The following ECT2 variants were observed in gnomAD, a reference collection of about 807,000 sequenced individuals.
ECT2 encodes epithelial cell transforming 2.
ECT2 carries 61 observed loss-of-function variants against 116.9 expected under a neutral mutation model. The ratio of observed to expected loss-of-function variants is 0.52; its 90% CI spans 0.42 to 0.65. The LOEUF (loss-of-function observed/expected upper bound fraction) is 0.65, where lower values mean the gene tolerates loss of function less well. ECT2 is among the 30% of genes least tolerant of loss of function. The pLI is 0.00. For missense variants in ECT2, 937 were observed against 1,078.7 expected (o/e 0.87, Z 1.84); for synonymous variants, 358 against 346.4 (o/e 1.03, Z -0.37).
intron 24 of ECT2, chr3:172,818,756 T>A: frequency 7.8e-7 from 1 of 1,285,700 alleles, no homozygotes; most frequent in Non-Finnish European, 1.0e-6. Flanking sequence ...TCTTTGACAT[T>A]TGTGAAGAAT....
Position 172,805,877 on chromosome 3 carries a change from G to T in ECT2, c.2245+8G>T. 1 of 1,609,942 alleles carries T rather than the reference G, an allele frequency of 6.2e-7. No individual in the cohort carries two copies. Among genetic ancestry groups the T allele is most frequent in the Non-Finnish European group, 8.5e-7 (1 of 1,178,076 alleles). Reference sequence around the variant, plus strand: ...ACATAAGAGAGACAGAAGGTATGCCGGTCGGATACATTCTTGGTTATATAA... The same window carrying T: ...ACATAAGAGAGACAGAAGGTATGCCTGTCGGATACATTCTTGGTTATATAA... On this transcript the variant is annotated splice_region_variant and intron_variant, in intron 21 of 24. Coordinates refer to ENST00000392692, the MANE Select transcript of ECT2 (RefSeq NM_001258315.2).
At chr3:172,768,353 T>G (rs961593991) in intron 12 of ECT2, among the ~76,000 whole-genome samples, 11 of 152,220 alleles carry the variant, frequency 7.2e-5, no homozygotes, top group Admixed American at 6.5e-4. Context: ...CTGCCATGTT[T>G]GCTTTAGCAT....
At chr3:172,823,181 A>T (rs190994855), downstream of ECT2, among the ~76,000 whole-genome samples, 149 of 152,256 alleles carry the variant, frequency 9.8e-4, 1 homozygote, top group Middle Eastern at 3.4e-3. Context: ...CTGAAAGCTT[A>T]GTGGATTTTT....
At chr3:172,789,106 A>G (rs967847197) in intron 18 of ECT2, among the ~76,000 whole-genome samples, 12 of 150,088 alleles carry the variant, frequency 8.0e-5, no homozygotes, top group African/African-American at 2.7e-4. Context: ...TCAGTAAGTT[A>G]TAGTCTTTTT....
intron 23 of ECT2, among the ~76,000 whole-genome samples, chr3:172,816,016 G>A (rs965634549): frequency 2.6e-5 from 4 of 152,114 alleles, no homozygotes; most frequent in Admixed American, 2.6e-4. Context: ...TATCGCCACA[G>A]TTATTTTCAG....
At chr3:172,811,097 C>T (rs1386435862) in intron 22 of ECT2, among the ~76,000 whole-genome samples, 1 of 152,088 alleles carries the variant, frequency 6.6e-6, no homozygotes, top group Non-Finnish European at 1.5e-5. Flanking sequence ...TTTGGCTAAT[C>T]TATCAATTTT....
At chr3:172,803,114 G>T in intron 20 of ECT2, 134 bp downstream of exon 20, 1 of 840,830 alleles carries the variant, frequency 1.2e-6, no homozygotes, top group Non-Finnish European at 1.7e-6. Flanking sequence ...TAAAAAAATC[G>T]AGGACAATTT....
At chr3:172,819,546 A>T (rs1044085758) in intron 24 of ECT2, among the ~76,000 whole-genome samples, 2 of 152,046 alleles carry the variant, frequency 1.3e-5, no homozygotes, top group African/African-American at 4.8e-5. Flanking sequence ...GGGTCTTGCT[A>T]AGTTGCCCAG....
At chr3:172,765,189 G>A (rs775685236) in intron 12 of ECT2, among the ~76,000 whole-genome samples, 10 of 152,002 alleles carry the variant, frequency 6.6e-5, no homozygotes, top group Non-Finnish European at 1.5e-4. Context: ...TCCTTGTTGG[G>A]GAGACAGTTT....
intron 12 of ECT2, among the ~76,000 whole-genome samples, chr3:172,768,145 C>T (rs1331233962): frequency 1.1e-4 from 16 of 152,060 alleles, no homozygotes; most frequent in Admixed American, 9.2e-4. Flanking sequence ...AAAGAATTTT[C>T]AGTTAATATT....
chr3:172,802,737 G>A (rs771347134), intron 19 of ECT2, 43 bp downstream of exon 19: 2 of 1,521,524 alleles, frequency 1.3e-6, no homozygotes, highest in Non-Finnish European at 1.8e-6. Flanking sequence ...TTTTCTTCTT[G>A]TTAATGAGGT....
intron 18 of ECT2, among the ~76,000 whole-genome samples, chr3:172,797,682 C>T (rs906532923): frequency 6.6e-6 from 1 of 152,120 alleles, no homozygotes; most frequent in Non-Finnish European, 1.5e-5. Flanking sequence ...AAGGAACAAT[C>T]GTACTGCAGA....
chr3:172,769,202 C>G (rs902479529), intron 13 of ECT2, 59 bp downstream of exon 13: 1 of 1,460,756 alleles, frequency 6.8e-7, no homozygotes. Flanking sequence ...GTAAAAAAAT[C>G]TAGGTGATAT....
At chr3:172,789,202 C>T (rs1724168232) in intron 18 of ECT2, among the ~76,000 whole-genome samples, 1 of 147,410 alleles carries the variant, frequency 6.8e-6, no homozygotes, top group South Asian at 2.1e-4. Flanking sequence ...GTAATTGCTT[C>T]TCTCTCTCTC....
chr3:172,782,111 TATAAGG>T, intron 14 of ECT2, 46 bp from the exon 15 acceptor site: 1 of 1,090,516 alleles, frequency 9.2e-7, no homozygotes, highest in Non-Finnish European at 1.3e-6. Flanking sequence ...ATAAAAGTTG[TATAAGG>T]AGCTGTCAGG....
rs757464407 is a variant in ECT2 at position 172,783,824 on chromosome 3, C to T, written c.1643C>T (p.Pro548Leu). 1 of 1,603,802 alleles carries T rather than the reference C, an allele frequency of 6.2e-7. No individual in the cohort carries two copies. Among genetic ancestry groups the T allele is most frequent in the Non-Finnish European group, 8.5e-7 (1 of 1,175,438 alleles). Residue 548 changes from proline to leucine, a missense_variant, in exon 16 of 25, where the codon CCT (proline) becomes CTT (leucine). Physicochemically the swap from Pro to Leu is moderately conservative, Grantham distance 98. Coordinates refer to ENST00000392692, the MANE Select transcript of ECT2 (RefSeq NM_001258315.2). ...KYSKDLVKTY[P>L]PFVNFFEMSK... ...TCAAAAGATTTGGTAAAAACCTACC[C>T]TCCCTTTGTAAACTTCTTTGAAATG... is the stretch of plus-strand genomic sequence containing the variant.
At chr3:172,757,377 A>G (rs1427859527) in intron 5 of ECT2, among the ~76,000 whole-genome samples, 2 of 151,756 alleles carry the variant, frequency 1.3e-5, no homozygotes, top group Middle Eastern at 3.4e-3. Flanking sequence ...AAATAATGAT[A>G]ACTGTACATA....
chr3:172,775,191 A>G (rs570221156), intron 14 of ECT2, among the ~76,000 whole-genome samples: 3 of 152,336 alleles, frequency 2.0e-5, no homozygotes, highest in Non-Finnish European at 2.9e-5. Context: ...TATTTTACCT[A>G]TGTAGTACTT....
intron 14 of ECT2, among the ~76,000 whole-genome samples, chr3:172,781,676 G>A (rs1722721778): frequency 6.6e-6 from 1 of 152,082 alleles, no homozygotes; most frequent in African/African-American, 2.4e-5. Context: ...GCCAAATCCA[G>A]CCCATTGCGT....
Sources: gnomAD v4.1 joint callset for allele counts (sites outside exome capture counted in the v4.1 genomes callset) on GRCh38, gnomAD v4.1.1 for gene constraint, MANE v1.5 for transcripts, NCBI Gene and HGNC (gene_info 2026-07-23, HGNC 2026-07-21) for gene names.